Variants in AP1S1 observed in about 807,000 individuals in gnomAD.
AP1S1 encodes the protein adaptor related protein complex 1 subunit sigma 1, also known as AP-1 complex subunit sigma-1A.
In AP1S1, 13 loss-of-function variants were observed where a neutral mutation model predicts 23.9. The ratio of observed to expected loss-of-function variants is 0.54; its 90% CI spans 0.35 to 0.86. The LOEUF is 0.86. AP1S1 is among the 40% of genes least tolerant of loss of function. The pLI is 0.01. For missense variants in AP1S1, 119 were observed against 197.6 expected (o/e 0.60, Z 2.38); for synonymous variants, 84 against 77.7 (o/e 1.08, Z -0.43).
intron 2 of AP1S1, 84 bp downstream of exon 2, chr7:101,156,856 T>G (rs1384530103): frequency 6.4e-5 from 81 of 1,259,302 alleles, no homozygotes; most frequent in Non-Finnish European, 7.2e-5. Context: ...GTCCTGTAGG[T>G]CAGGGAGACC....
At chr7:101,158,622 C>A (rs1797033245) in intron 3 of AP1S1, among the ~76,000 whole-genome samples, 1 of 152,230 alleles carries the variant, frequency 6.6e-6, no homozygotes, top group East Asian at 1.9e-4. Context: ...TGATCCAAGG[C>A]AAGGCGCGGT....
rs754733569 is a variant in AP1S1 at position 101,160,584 on chromosome 7, T to G, written c.*18T>G. On this transcript the variant is annotated 3_prime_UTR_variant, in exon 5 of 5. Coordinates refer to ENST00000337619, the MANE Select transcript of AP1S1 (RefSeq NM_001283.5). Reference sequence around the variant, plus strand: ...TGGCATAGCCCCTGCTGGGCCGGGGTGTGGCGATGGGGTCCTGGCAGCGTG... The same window carrying G: ...TGGCATAGCCCCTGCTGGGCCGGGGGGTGGCGATGGGGTCCTGGCAGCGTG... 6.8e-6 allele frequency: 11 copies of G among 1,609,744 alleles called. No individual in the cohort carries two copies. The highest frequency in any genetic ancestry group is 9.3e-6 in the Non-Finnish European group (11 of 1,179,646).
intron 4 of AP1S1, chr7:101,159,449 T>G: frequency 4.0e-6 from 2 of 497,910 alleles, no homozygotes; most frequent in Non-Finnish European, 7.0e-6. Context: ...AGCCCCCAGA[T>G]GTCTCGTGGC....
intron 3 of AP1S1, 138 bp from the exon 4 acceptor site, chr7:101,158,921 C>CA (rs1259722166): frequency 2.9e-5 from 35 of 1,203,906 alleles, no homozygotes; most frequent in Non-Finnish European, 3.5e-5. Context: ...AATAACGAAA[C>CA]AAAAAAACTG....
chr7:101,155,162 A>C (rs1357311946), intron 1 of AP1S1: 211 of 420,122 alleles, frequency 5.0e-4, no homozygotes, highest in African/African-American at 2.0e-3. Flanking sequence ...CTTGCTCCCC[A>C]CCCCCCTATT....
Position 101,161,020 on chromosome 7 carries a change from C to T in AP1S1, c.*454C>T. 2.8e-6 allele frequency: 1 copy of T among 352,164 alleles called. No individual in the cohort carries two copies. The highest frequency in any genetic ancestry group is 5.6e-6 in the Non-Finnish European group (1 of 180,120). 21.8% of individuals were successfully genotyped at this position (352,164 alleles called of 1,614,324 possible). On this transcript the variant is annotated 3_prime_UTR_variant, in exon 5 of 5. Transcript: ENST00000337619. ...TCTGCCTGGGAGGGGAGCCTGGACC[C>T]CCCTCTTTCTCCTTGGCTGCAGTGG...
rs1797000593 is a variant in AP1S1, at chr7:101,156,866, C to T, written c.182+94C>T. On this transcript the variant is annotated intron_variant, in intron 2 of 4. Transcript: ENST00000337619. ...TGGTCGTCCTGTAGGTCAGGGAGAC[C>T]TGGGAGCTGAGGACATCTGGAGGAC... The T allele has an allele frequency of 2.8e-5, 33 of 1,175,242 alleles. No individual in the cohort carries two copies. The South Asian group carries it at 6.8e-4, about 24-fold the overall frequency. The allele number at this position is 1,175,242 out of a possible 1,614,324, so 72.8% of individuals were successfully genotyped here.
At chr7:101,154,685 A>T in intron 1 of AP1S1, 168 bp downstream of exon 1, 51 of 133,796 alleles carry the variant, frequency 3.8e-4, no homozygotes, top group Middle Eastern at 3.3e-3. Flanking sequence ...GAAGAGGGGG[A>T]GGTGGCATTC....
At position 101,156,662 on chromosome 7, in the gene AP1S1, G is replaced by C. The variant is rs764480951; in HGVS notation, c.72G>C (p.Ser24=). Residue 24 remains serine (S), a synonymous_variant, in exon 2 of 5, where the codon TCG becomes TCC. Coordinates refer to ENST00000337619, the MANE Select transcript of AP1S1 (RefSeq NM_001283.5). ...TGCAAAAATGGTACCTGGCCACTTC[G>C]GACAAGGAACGGAAGAAGATGGTGC... ...LRLQKWYLAT[S]DKERKKMVRE... 1.9e-6 allele frequency: 3 copies of C among 1,611,922 alleles called. No individual in the cohort carries two copies. The highest frequency in any genetic ancestry group is 1.7e-6 in the Non-Finnish European group (2 of 1,179,142).
chr7:101,158,268 G>T (rs1334631376), intron 3 of AP1S1, among the ~76,000 whole-genome samples: 2 of 152,182 alleles, frequency 1.3e-5, no homozygotes, highest in East Asian at 3.8e-4. Context: ...GTGTTATAAA[G>T]TGCTTTTGCG....
In AP1S1 at chr7:101,160,405, C is replaced by G. The variant is rs904350538; in HGVS notation, c.430-114C>G. 7.8e-6 allele frequency: 10 copies of G among 1,288,230 alleles called. No homozygotes were observed. In the Admixed American group the frequency reaches 9.1e-5, roughly 12 times the overall value. The allele number at this position is 1,288,230 out of a possible 1,614,324, so 79.8% of individuals were successfully genotyped here. On this transcript the variant is annotated intron_variant, in intron 4 of 4. Coordinates refer to ENST00000337619, the MANE Select transcript of AP1S1 (RefSeq NM_001283.5). ...TTGGGCTCACATTGGCTTCTCTCCC[C>G]CTCCCCCGTGTCTGTGCCTCCCCCG...
intron 4 of AP1S1, chr7:101,159,509 G>A (rs1797051881): frequency 2.9e-6 from 1 of 346,806 alleles, no homozygotes; most frequent in Non-Finnish European, 5.2e-6. Context: ...ACACCAAAGG[G>A]TTAAGGGTTT....
intron 2 of AP1S1, 133 bp downstream of exon 2, chr7:101,156,905 A>T: frequency 1.5e-6 from 1 of 649,552 alleles, no homozygotes; most frequent in Admixed American, 4.3e-5. Context: ...AATGAATGTC[A>T]GCTTCCTTTT....
chr7:101,154,622 T>A, intron 1 of AP1S1, 105 bp downstream of exon 1: 1 of 1,411,096 alleles, frequency 7.1e-7, no homozygotes, highest in Non-Finnish European at 9.4e-7. Flanking sequence ...GTCTTCCCTC[T>A]GGTCCTCAGA....
intron 3 of AP1S1, among the ~76,000 whole-genome samples, chr7:101,158,494 G>T (rs955126009): frequency 5.3e-5 from 8 of 152,178 alleles, no homozygotes; most frequent in African/African-American, 1.9e-4. Flanking sequence ...ACAGCCTTTG[G>T]TGGGAAGAAC....
rs564715150 is a variant in AP1S1, at chr7:101,161,154, C to T, written c.*588C>T. ...AGGGCAAGCTTTATGGGACCCTGGT[C>T]CTGGCCCTGGCCTTTCACTCCAGTT... On this transcript the variant is annotated 3_prime_UTR_variant, in exon 5 of 5. Coordinates refer to ENST00000337619, the MANE Select transcript of AP1S1 (RefSeq NM_001283.5). 211 of 246,826 alleles carry T rather than the reference C, an allele frequency of 8.5e-4. No homozygotes were observed. The highest frequency in any genetic ancestry group is 1.4e-3 in the Non-Finnish European group (170 of 125,086). 15.3% of individuals were successfully genotyped at this position (246,826 alleles called of 1,614,324 possible). A position where few individuals can be genotyped will look rare whatever the true frequency, so the allele number is the denominator to read the frequency against.
chr7:101,161,146 A>G lies in AP1S1; in HGVS notation c.*580A>G. Reference sequence around the variant, plus strand: ...TTGGGGGAAGGGCAAGCTTTATGGGACCCTGGTCCTGGCCCTGGCCTTTCA... The same window carrying G: ...TTGGGGGAAGGGCAAGCTTTATGGGGCCCTGGTCCTGGCCCTGGCCTTTCA... On this transcript the variant is annotated 3_prime_UTR_variant, in exon 5 of 5. Coordinates refer to ENST00000337619, the MANE Select transcript of AP1S1 (RefSeq NM_001283.5). The G allele has an allele frequency of 4.3e-6, 1 of 230,284 alleles. No homozygotes were observed. Among genetic ancestry groups the G allele is most frequent in the South Asian group, 4.6e-5 (1 of 21,670 alleles). 14.3% of individuals were successfully genotyped at this position (230,284 alleles called of 1,614,324 possible).
chr7:101,160,710 G>C lies in AP1S1; in HGVS notation c.*144G>C, dbSNP rs750563988. The C allele has an allele frequency of 1.1e-5, 11 of 976,026 alleles. No individual in the cohort carries two copies. The South Asian group carries it at 1.2e-4, about 11-fold the overall frequency. 60.5% of individuals were successfully genotyped at this position (976,026 alleles called of 1,614,324 possible). A position where few individuals can be genotyped will look rare whatever the true frequency, so the allele number is the denominator to read the frequency against. ...CCTTTCGGAGTGAGCTGTGGGCTCA[G>C]GCCCTTCAAACATTCCCTCCCTCCA... On this transcript the variant is annotated 3_prime_UTR_variant, in exon 5 of 5. Transcript: ENST00000337619.
chr7:101,156,200 C>A (rs570438526), intron 1 of AP1S1, among the ~76,000 whole-genome samples: 1 of 152,264 alleles, frequency 6.6e-6, no homozygotes, highest in Non-Finnish European at 1.5e-5. Flanking sequence ...CCACTGCACT[C>A]CAGCCTGGGC....
Sources: gnomAD v4.1 joint callset for allele counts (sites outside exome capture counted in the v4.1 genomes callset) on GRCh38, gnomAD v4.1.1 for gene constraint, MANE v1.5 for transcripts, NCBI Gene and HGNC (gene_info 2026-07-23, HGNC 2026-07-21) for gene names.